DAB1: variants seen among roughly 807,000 people sequenced by gnomAD.
The protein encoded by DAB1 is disabled homolog 1.
In DAB1, 15 loss-of-function variants were observed where a neutral mutation model predicts 64.6. The ratio of observed to expected loss-of-function variants is 0.23; its 90% CI spans 0.16 to 0.36. The LOEUF is 0.36. DAB1 is among the 10% of genes least tolerant of loss of function. The pLI is 1.00. For missense variants in DAB1, 596 were observed against 706.7 expected, an observed-to-expected ratio of 0.84 and a Z score of 1.78; for synonymous variants, 235 against 251.9, an observed-to-expected ratio of 0.93 and a Z score of 0.64.
chr1:57,240,632 T>A (rs985217456), intron 2 of DAB1, among the ~76,000 whole-genome samples: 1 of 152,168 alleles, frequency 6.6e-6, no homozygotes, highest in African/African-American at 2.4e-5. Flanking sequence ...CAATATTGCT[T>A]ACATTGTATA....
chr1:58,462,457 T>A (rs751549779), intron 3 of DAB1: 2 of 152,196 alleles, frequency 1.3e-5, no homozygotes, highest in African/African-American at 4.8e-5. Flanking sequence ...TCCCAAGGCA[T>A]CTCAACCAGT....
intron 2 of DAB1, among the ~76,000 whole-genome samples, chr1:57,162,670 A>G (rs1660862531): frequency 6.6e-6 from 1 of 152,178 alleles, no homozygotes; most frequent in Admixed American, 6.5e-5. Context: ...TTGTTTGCGG[A>G]GTATTTTTTG....
At chr1:57,814,818 G>T (rs141832806) in intron 6 of DAB1, among the ~76,000 whole-genome samples, 30 of 152,236 alleles carry the variant, frequency 2.0e-4, no homozygotes, top group Non-Finnish European at 3.5e-4. Flanking sequence ...TGTGTTTCCA[G>T]TCCAGGCCTG....
intron 4 of DAB1, among the ~76,000 whole-genome samples, chr1:58,260,495 T>G (rs1358629035): frequency 6.6e-6 from 1 of 151,948 alleles, no homozygotes; most frequent in Admixed American, 6.6e-5. Context: ...TGCCCATCCC[T>G]CTCCTCAATA....
chr1:58,358,433 C>T (rs1644131553), intron 3 of DAB1, among the ~76,000 whole-genome samples: 1 of 152,144 alleles, frequency 6.6e-6, no homozygotes, highest in Admixed American at 6.5e-5. Flanking sequence ...AAAGCACTGC[C>T]ACCAACATCT....
chr1:57,569,569 G>A (rs1441907043), intron 7 of DAB1, among the ~76,000 whole-genome samples: 5 of 150,304 alleles, frequency 3.3e-5, no homozygotes, highest in African/African-American at 1.2e-4. Flanking sequence ...GACACAGGAA[G>A]AGGAACATCA....
At chr1:57,157,558 C>G (rs377095490) in intron 2 of DAB1, among the ~76,000 whole-genome samples, 1 of 145,992 alleles carries the variant, frequency 6.8e-6, no homozygotes, top group Non-Finnish European at 1.5e-5. Flanking sequence ...TCTTTTTGTG[C>G]ATGCACTGAG....
At chr1:57,837,893 C>G (rs113260072) in intron 1 of DAB1, among the ~76,000 whole-genome samples, 1 of 151,054 alleles carries the variant, frequency 6.6e-6, no homozygotes, top group Non-Finnish European at 1.5e-5. Flanking sequence ...CCCACCACCT[C>G]CACTGCTTCC....
chr1:57,863,603 G>T (rs578257653), intron 1 of DAB1, among the ~76,000 whole-genome samples: 1 of 152,260 alleles, frequency 6.6e-6, no homozygotes, highest in East Asian at 1.9e-4. Context: ...ATGCCACAAG[G>T]AATGGCTGGG....
At chr1:57,581,712 AATATATTATTATATAAT>A (rs1317301734) in intron 7 of DAB1, among the ~76,000 whole-genome samples, 1 of 148,506 alleles carries the variant, frequency 6.7e-6, no homozygotes, top group Non-Finnish European at 1.5e-5. Flanking sequence ...TAATAAATCT[AATATATTATTATATAAT>A]ATATATTATA....
intron 4 of DAB1, among the ~76,000 whole-genome samples, chr1:58,208,362 G>A (rs559787128): frequency 1.4e-4 from 21 of 152,194 alleles, no homozygotes; most frequent in South Asian, 4.1e-4. Flanking sequence ...GTTCTTTAGC[G>A]GAGATTTCTG....
At chr1:57,815,208 A>C (rs899857109) in intron 6 of DAB1, among the ~76,000 whole-genome samples, 1 of 152,024 alleles carries the variant, frequency 6.6e-6, no homozygotes, top group Non-Finnish European at 1.5e-5. Context: ...AGCTTGGACT[A>C]CAGGCACCCG....
chr1:57,855,754 C>A (rs1259061155), intron 1 of DAB1, among the ~76,000 whole-genome samples: 2 of 152,114 alleles, frequency 1.3e-5, no homozygotes, highest in African/African-American at 2.4e-5. Flanking sequence ...GCCAGCACAG[C>A]ACTTTGGGTT....
intron 6 of DAB1, among the ~76,000 whole-genome samples, chr1:57,801,290 T>C (rs894663932): frequency 6.6e-5 from 10 of 152,168 alleles, no homozygotes; most frequent in Admixed American, 4.6e-4. Context: ...GGACCTTTGG[T>C]TTCTCAATTG....
At chr1:57,215,361 T>C (rs1449001735) in intron 2 of DAB1, among the ~76,000 whole-genome samples, 1 of 152,214 alleles carries the variant, frequency 6.6e-6, no homozygotes, top group South Asian at 2.1e-4. Flanking sequence ...TTTCCGTTAT[T>C]TGACACCGCA....
chr1:57,705,470 A>G (rs1046963394), intron 6 of DAB1, among the ~76,000 whole-genome samples: 2 of 152,128 alleles, frequency 1.3e-5, no homozygotes, highest in African/African-American at 4.8e-5. Context: ...ACATTGCATT[A>G]AAAATATATT....
At chr1:58,483,441 G>A (rs1283554037) in intron 3 of DAB1, among the ~76,000 whole-genome samples, 1 of 152,170 alleles carries the variant, frequency 6.6e-6, no homozygotes, top group African/African-American at 2.4e-5. Flanking sequence ...GGGTCTAGGA[G>A]CACTTCTAGC....
chr1:57,915,417 T>G (rs1644711604), intron 5 of DAB1, among the ~76,000 whole-genome samples: 1 of 152,190 alleles, frequency 6.6e-6, no homozygotes, highest in Admixed American at 6.6e-5. Flanking sequence ...CCTTGGGCTA[T>G]TCCTCCATCA....
At position 57,049,001 on chromosome 1, in the gene DAB1, C is replaced by A. The variant is rs148996323; in HGVS notation, c.723+13883G>T. Reference sequence around the variant, plus strand: ...GCGAGTCTTTTACAACTCTGCTTGACTCCATTAATGACAGCTCAGTTTTTC... The same window carrying A: ...GCGAGTCTTTTACAACTCTGCTTGAATCCATTAATGACAGCTCAGTTTTTC... On this transcript the variant is annotated intron_variant, in intron 9 of 14. Transcript: ENST00000371236. 1.6e-3 allele frequency among the ~76,000 whole-genome samples: 245 copies of A among 152,308 alleles called. 1 individual carries two copies. Among genetic ancestry groups the A allele is most frequent in the African/African-American group, 5.7e-3 (236 of 41,566 alleles).
Sources: allele counts gnomAD v4.1 joint callset (sites outside exome capture counted in the v4.1 genomes callset), GRCh38; gene constraint gnomAD v4.1.1; transcripts MANE v1.5; gene names NCBI Gene and HGNC (gene_info 2026-07-23, HGNC 2026-07-21).